Variants in MAPK9 observed in about 807,000 individuals in gnomAD.
The protein encoded by MAPK9 is mitogen-activated protein kinase 9, also known as Jun kinase.
Under a neutral mutation model 57.1 loss-of-function variants are expected in MAPK9, and 30 were observed. The ratio of observed to expected loss-of-function variants is 0.53; its 90% CI spans 0.39 to 0.71. The LOEUF is 0.71. Ranked by LOEUF, MAPK9 falls within the 30% of genes least tolerant of loss-of-function variation. The pLI is 0.00. For synonymous variants in MAPK9, 155 were observed against 177.0 expected (o/e 0.88, Z 0.99); for missense variants, 362 against 521.0 (o/e 0.69, Z 2.97).
chr5:180,257,314 A>G (rs1759392098), intron 5 of MAPK9, among the ~76,000 whole-genome samples: 1 of 152,234 alleles, frequency 6.6e-6, no homozygotes, highest in Non-Finnish European at 1.5e-5. Context: ...TGAAAAAATT[A>G]TTACCACTCC....
intron 5 of MAPK9, among the ~76,000 whole-genome samples, chr5:180,261,237 TAAGA>T (rs914206225): frequency 1.3e-5 from 2 of 152,216 alleles, no homozygotes; most frequent in African/African-American, 4.8e-5. Flanking sequence ...GGTCATTATT[TAAGA>T]AAGAGAGTTC....
intron 11 of MAPK9, chr5:180,237,666 T>C (rs893322342): frequency 6.6e-6 from 1 of 152,280 alleles, no homozygotes; most frequent in Non-Finnish European, 1.5e-5. Flanking sequence ...ACAGCAGTTA[T>C]TGCAAAGATG....
Position 180,236,419 on chromosome 5 carries a change from C to T in MAPK9, c.1240G>A (p.Asp414Asn), listed in dbSNP as rs771276478. ...CCTTCAAGGGGTCCCGTCGAGGCAT[C>T]AAGACTGCTGTCTGTGTCTGAGGCC... is the stretch of plus-strand genomic sequence containing the variant. ...TLASDTDSSL[D>N]ASTGPLEGCR Residue 414 changes from aspartate (D) to asparagine (N), a missense_variant, in exon 12 of 12, where the codon GAT becomes AAT. Asp to Asn is a conservative substitution (Grantham distance 23, BLOSUM62 1). Coordinates refer to ENST00000452135, the MANE Select transcript of MAPK9 (RefSeq NM_002752.5). 5 of 1,613,322 alleles carry T rather than the reference C, an allele frequency of 3.1e-6. No homozygotes were observed. In the South Asian group the frequency reaches 4.4e-5, roughly 14 times the overall value.
At chr5:180,291,006 G>A (rs1454059911) in intron 1 of MAPK9, among the ~76,000 whole-genome samples, 1 of 152,216 alleles carries the variant, frequency 6.6e-6, no homozygotes, top group African/African-American at 2.4e-5. Context: ...CATGACTAAG[G>A]GAAGAAAGAG....
rs1758184023 is a variant in MAPK9 at position 180,247,096 on chromosome 5, AAAT to A, written c.688+340_688+342del. ...CCTAGTTAAATTAACGGAATAAACT[AAAT>A]AATACAGTATTTTCATTTAAATATC... On this transcript the variant is annotated intron_variant, in intron 7 of 11. Coordinates refer to ENST00000452135, the MANE Select transcript of MAPK9 (RefSeq NM_002752.5). The surrounding 1 kb of genome is among the most constrained non-coding windows in gnomAD (Gnocchi z 4.5). 1 of 302,492 alleles carries A rather than the reference AAAT, an allele frequency of 3.3e-6. No individual in the cohort carries two copies. The highest frequency in any genetic ancestry group is 6.1e-6 in the Non-Finnish European group (1 of 163,858). The allele number at this position is 302,492 out of a possible 1,614,324, so 18.7% of individuals were successfully genotyped here.
At chr5:180,261,348 T>C (rs541519561) in intron 5 of MAPK9, among the ~76,000 whole-genome samples, 5 of 152,384 alleles carry the variant, frequency 3.3e-5, no homozygotes, top group African/African-American at 1.2e-4. Flanking sequence ...CAGGTGAATG[T>C]AGATAAATGG....
At chr5:180,267,177 G>A (rs1760650569) in intron 3 of MAPK9, among the ~76,000 whole-genome samples, 1 of 152,164 alleles carries the variant, frequency 6.6e-6, no homozygotes, top group Non-Finnish European at 1.5e-5. Flanking sequence ...TCTGTGGGTG[G>A]CGGTATTCAG....
intron 5 of MAPK9, among the ~76,000 whole-genome samples, chr5:180,252,233 T>C (rs1317825966): frequency 1.3e-5 from 2 of 152,160 alleles, no homozygotes; most frequent in African/African-American, 4.8e-5. Context: ...GTGTGGGCGC[T>C]GTCTGGGCCT....
At chr5:180,263,444 C>G (rs563365888) in intron 4 of MAPK9, among the ~76,000 whole-genome samples, 2 of 152,212 alleles carry the variant, frequency 1.3e-5, no homozygotes, top group South Asian at 2.1e-4. Context: ...GCCAGAGTTA[C>G]GCTTTTCAAA....
At chr5:180,236,662 T>G (rs891398229) in intron 11 of MAPK9, 136 bp from the exon 12 acceptor site, 10 of 856,432 alleles carry the variant, frequency 1.2e-5, no homozygotes, top group African/African-American at 3.5e-5. Context: ...AGACAAGAAG[T>G]CAGTCAGCTG....
At chr5:180,241,714 G>C (rs1217940200) in intron 8 of MAPK9, among the ~76,000 whole-genome samples, 1 of 152,238 alleles carries the variant, frequency 6.6e-6, no homozygotes, top group Non-Finnish European at 1.5e-5. Flanking sequence ...GGGCTCCCAG[G>C]GTGGTGGGGA....
At chr5:180,290,496 G>C (rs1763134954) in intron 1 of MAPK9, among the ~76,000 whole-genome samples, 1 of 152,202 alleles carries the variant, frequency 6.6e-6, no homozygotes, top group South Asian at 2.1e-4. Flanking sequence ...GGACCCCGTT[G>C]CTATCTGCCT....
chr5:180,275,609 A>G (rs1761740143), intron 2 of MAPK9, among the ~76,000 whole-genome samples: 1 of 152,228 alleles, frequency 6.6e-6, no homozygotes, highest in East Asian at 1.9e-4. Context: ...GTGCTTCCCC[A>G]GATCCTGACC....
In MAPK9 at chr5:180,272,198, CTT is replaced by C. The variant is rs144645423; in HGVS notation, c.123-2791_123-2790del. Among the ~76,000 whole-genome samples, 713 of 152,344 alleles carry C rather than the reference CTT, an allele frequency of 4.7e-3. 6 individuals carry two copies. The highest frequency in any genetic ancestry group is 0.016 in the African/African-American group (677 of 41,588). On this transcript the variant is annotated intron_variant, in intron 2 of 11. Coordinates refer to ENST00000452135, the MANE Select transcript of MAPK9 (RefSeq NM_002752.5). Reference sequence around the variant, plus strand: ...TCCCCACTGCTTCTTGCATTACGCTCTTGTGTTGCCTCTCTTGCTGGAGTACA... The same window carrying C: ...TCCCCACTGCTTCTTGCATTACGCTCGTGTTGCCTCTCTTGCTGGAGTACA...
chr5:180,250,634 C>T (rs919178038), intron 5 of MAPK9, among the ~76,000 whole-genome samples: 1 of 152,106 alleles, frequency 6.6e-6, no homozygotes, highest in East Asian at 1.9e-4. Flanking sequence ...GAAGCCATTT[C>T]GACATTGACA....
chr5:180,241,106 G>A lies in MAPK9; in HGVS notation c.921C>T (p.Asp307=), dbSNP rs1453048640. The change falls in exon 9 of 12, where the codon GAC becomes GAT. Residue 307 remains aspartate (D), a synonymous_variant. Coordinates refer to ENST00000452135, the MANE Select transcript of MAPK9 (RefSeq NM_002752.5). ...GAGCTTCGTCTACAGAGATCCGCTT[G>A]TCAGGATCAATCACTAACATTTTTG... ...LLSKMLVIDP[D]KRISVDEALR... The A allele has an allele frequency of 1.9e-6, 3 of 1,614,104 alleles. No individual in the cohort carries two copies. Among genetic ancestry groups the A allele is most frequent in the South Asian group, 1.1e-5 (1 of 91,074 alleles).
At chr5:180,240,116 G>T in intron 9 of MAPK9, 129 bp from the exon 10 acceptor site, 1 of 660,906 alleles carries the variant, frequency 1.5e-6, no homozygotes, top group Non-Finnish European at 2.6e-6. Context: ...TCAACACGTG[G>T]TTTAATAAAG....
At chr5:180,284,184 C>T (rs7721150) in intron 1 of MAPK9, among the ~76,000 whole-genome samples, 58,187 of 152,016 alleles carry the variant, frequency 0.38, 11,340 homozygotes, top group Non-Finnish European at 0.4. Context: ...AACAGTTTTA[C>T]AAATCGGGAA....
chr5:180,256,638 C>T (rs899072505), intron 5 of MAPK9, among the ~76,000 whole-genome samples: 9 of 152,060 alleles, frequency 5.9e-5, no homozygotes, highest in African/African-American at 2.2e-4. Context: ...GGCAACAGGG[C>T]CATTTTCTGA....
Sources: allele counts gnomAD v4.1 joint callset (sites outside exome capture counted in the v4.1 genomes callset), GRCh38; gene constraint gnomAD v4.1.1; non-coding constraint Gnocchi (gnomAD v3.1); transcripts MANE v1.5; gene names NCBI Gene and HGNC (gene_info 2026-07-23, HGNC 2026-07-21).